LARGE1: variants seen among roughly 807,000 people sequenced by gnomAD.
LARGE1 encodes xylosyl- and glucuronyltransferase LARGE1.
A neutral mutation model predicts 87.6 loss-of-function variants in LARGE1; 43 were observed. The ratio of observed to expected loss-of-function variants is 0.49; its 90% confidence interval spans 0.38 to 0.63. LARGE1 has a LOEUF of 0.63. Ranked by LOEUF, LARGE1 falls within the 30% of genes least tolerant of loss-of-function variation. The pLI is 0.00. For missense variants in LARGE1, 802 were observed against 1,000.2 expected, an observed-to-expected ratio of 0.80 and a Z score of 2.67; for synonymous variants, 434 against 394.6, an observed-to-expected ratio of 1.10 and a Z score of -1.18.
intron 1 of LARGE1, among the ~76,000 whole-genome samples, chr22:33,765,265 G>A (rs779682671): frequency 6.6e-6 from 1 of 152,122 alleles, no homozygotes; most frequent in Non-Finnish European, 1.5e-5. Context: ...TTGATCCTAA[G>A]AACTCTTGCC....
At chr22:33,387,501 T>A (rs1442548874) in intron 7 of LARGE1, among the ~76,000 whole-genome samples, 1 of 130,586 alleles carries the variant, frequency 7.7e-6, no homozygotes, top group Non-Finnish European at 1.6e-5. Context: ...TTAGGTTGGA[T>A]AGATGCTCCA....
chr22:33,656,560 AC>A (rs1252834754), intron 2 of LARGE1, among the ~76,000 whole-genome samples: 1 of 152,120 alleles, frequency 6.6e-6, no homozygotes, highest in Non-Finnish European at 1.5e-5. Flanking sequence ...CAGGCAGGGC[AC>A]ATAAAGGCAG....
At chr22:33,076,443 T>G in the LARGE1 span, among the ~76,000 whole-genome samples, 1 of 152,146 alleles carries the variant, frequency 6.6e-6, no homozygotes, top group African/African-American at 2.4e-5. Context: ...ACTTGTGTTT[T>G]GTAATTTCTA....
At chr22:33,173,894 A>AGAT in intron 11 of LARGE1, among the ~76,000 whole-genome samples, 1 of 152,330 alleles carries the variant, frequency 6.6e-6, no homozygotes, top group East Asian at 1.9e-4. Flanking sequence ...TAATAATGGG[A>AGAT]GATTTTAACA....
intron 1 of LARGE1, among the ~76,000 whole-genome samples, chr22:33,844,391 G>A (rs1032386167): frequency 6.6e-6 from 1 of 152,162 alleles, no homozygotes; most frequent in Non-Finnish European, 1.5e-5. Flanking sequence ...AGAGCAAGCT[G>A]GGAGCTGGGA....
intron 6 of LARGE1, among the ~76,000 whole-genome samples, chr22:33,469,636 C>T (rs1292583825): frequency 1.3e-5 from 2 of 151,854 alleles, no homozygotes; most frequent in Non-Finnish European, 2.9e-5. Flanking sequence ...ACCAGTCTGG[C>T]CAACATGGTG....
At chr22:33,605,567 C>G (rs1469098940) in intron 4 of LARGE1, among the ~76,000 whole-genome samples, 1 of 152,082 alleles carries the variant, frequency 6.6e-6, no homozygotes, top group African/African-American at 2.4e-5. Flanking sequence ...TACGGCACAT[C>G]AAAAATAAAC....
chr22:33,176,912 G>A (rs967701772), intron 11 of LARGE1, among the ~76,000 whole-genome samples: 6 of 152,200 alleles, frequency 3.9e-5, no homozygotes, highest in Middle Eastern at 3.4e-3. Context: ...TAACCCTAAC[G>A]TCCATTAGTG....
chr22:33,807,510 G>A (rs2146134645), intron 1 of LARGE1, among the ~76,000 whole-genome samples: 1 of 152,198 alleles, frequency 6.6e-6, no homozygotes, highest in South Asian at 2.1e-4. Context: ...CAACTGGTGA[G>A]CCTACATTGA....
intron 3 of LARGE1, among the ~76,000 whole-genome samples, chr22:33,640,464 T>G (rs1366131635): frequency 2.0e-5 from 3 of 152,192 alleles, no homozygotes; most frequent in Non-Finnish European, 4.4e-5. Context: ...AATTCTCAAG[T>G]GCAAAAGACT....
At chr22:33,244,050 G>A (rs1050632065) in intron 11 of LARGE1, among the ~76,000 whole-genome samples, 4 of 152,098 alleles carry the variant, frequency 2.6e-5, no homozygotes, top group South Asian at 2.1e-4. Flanking sequence ...GTGCAGTGGC[G>A]CGATCTCGGC....
chr22:33,545,515 C>G (rs2077337879), intron 6 of LARGE1, among the ~76,000 whole-genome samples: 1 of 151,978 alleles, frequency 6.6e-6, no homozygotes, highest in South Asian at 2.1e-4. Context: ...GATCTCAGCT[C>G]ACTGCAACCT....
At chr22:33,833,635 C>T (rs867852912) in intron 1 of LARGE1, among the ~76,000 whole-genome samples, 33 of 152,322 alleles carry the variant, frequency 2.2e-4, no homozygotes, top group Middle Eastern at 3.4e-3. Flanking sequence ...CAAACTAACA[C>T]ACTAGGTGAG....
chr22:33,496,571 T>C (rs2070129547), intron 6 of LARGE1, among the ~76,000 whole-genome samples: 1 of 152,054 alleles, frequency 6.6e-6, no homozygotes, highest in Non-Finnish European at 1.5e-5. Context: ...CCTCCAGAAC[T>C]GTGAGAAATA....
intron 2 of LARGE1, among the ~76,000 whole-genome samples, chr22:33,729,830 C>G (rs16992904): frequency 1.3e-5 from 2 of 152,244 alleles, no homozygotes; most frequent in Admixed American, 1.3e-4. Context: ...AATGAGTTAG[C>G]GTACACACAT....
intron 1 of LARGE1, among the ~76,000 whole-genome samples, chr22:33,887,604 G>GGCACA (rs2064890580): frequency 1.3e-5 from 2 of 152,104 alleles, no homozygotes; most frequent in Non-Finnish European, 2.9e-5. Flanking sequence ...AGGCGTGGTG[G>GGCACA]GTGGGTGCCT....
At chr22:33,147,717 G>A in the LARGE1 span, among the ~76,000 whole-genome samples, 1 of 151,978 alleles carries the variant, frequency 6.6e-6, no homozygotes, top group African/African-American at 2.4e-5. Context: ...TTTGGTTTTC[G>A]GCAGTTTTTG....
chr22:33,564,219 A>G (rs2077952364), intron 6 of LARGE1, among the ~76,000 whole-genome samples: 1 of 152,206 alleles, frequency 6.6e-6, no homozygotes, highest in African/African-American at 2.4e-5. Context: ...ATAACAGCCT[A>G]AGATTTGTGC....
At chr22:33,907,433 A>C (rs958582169) in intron 1 of LARGE1, among the ~76,000 whole-genome samples, 1 of 152,220 alleles carries the variant, frequency 6.6e-6, no homozygotes, top group Non-Finnish European at 1.5e-5. Flanking sequence ...TCCATCAATT[A>C]TGACTGCCAT....
Sources: gnomAD v4.1 joint callset for allele counts (sites outside exome capture counted in the v4.1 genomes callset) on GRCh38, gnomAD v4.1.1 for gene constraint, MANE v1.5 for transcripts, NCBI Gene and HGNC (gene_info 2026-07-23, HGNC 2026-07-21) for gene names.